The following SGMS1 variants were observed in gnomAD, a reference collection of about 807,000 sequenced individuals.
SGMS1 encodes sphingomyelin synthase 1.
In SGMS1, 13 loss-of-function variants were observed where a neutral mutation model predicts 46.2. That is an observed-to-expected ratio of 0.28 (90% CI 0.18 to 0.45). The LOEUF is 0.45. Among genes scored for constraint, SGMS1 ranks in the 20% least tolerant of loss-of-function variants. The pLI, the probability that SGMS1 is intolerant of heterozygous loss-of-function variation, is 1.00. For missense variants in SGMS1, 324 were observed against 519.9 expected, an observed-to-expected ratio of 0.62 and a Z score of 3.66; for synonymous variants, 203 against 187.8, an observed-to-expected ratio of 1.08 and a Z score of -0.66.
At chr10:50,576,396 C>T (rs1323108562) in intron 2 of SGMS1, among the ~76,000 whole-genome samples, 4 of 152,200 alleles carry the variant, frequency 2.6e-5, no homozygotes, top group Non-Finnish European at 5.9e-5. Flanking sequence ...CAGAGTCACC[C>T]TTGTCCCCAC....
At chr10:50,437,666 G>A (rs1398029950) in intron 5 of SGMS1, among the ~76,000 whole-genome samples, 3 of 152,166 alleles carry the variant, frequency 2.0e-5, no homozygotes, top group African/African-American at 7.2e-5. Flanking sequence ...AAGAGTAAAA[G>A]CACCAAAACT....
chr10:50,524,713 G>A (rs755511774), intron 2 of SGMS1, among the ~76,000 whole-genome samples: 6 of 152,248 alleles, frequency 3.9e-5, no homozygotes, highest in East Asian at 1.9e-4. Flanking sequence ...CCAATGTCAC[G>A]CAGCTGGGGA....
At chr10:50,378,361 T>G (rs933191593) in intron 6 of SGMS1, among the ~76,000 whole-genome samples, 1 of 152,200 alleles carries the variant, frequency 6.6e-6, no homozygotes, top group Admixed American at 6.6e-5. Context: ...AATTCACTCA[T>G]GTTTTGTTTA....
chr10:50,565,934 T>C (rs986958576), intron 2 of SGMS1, among the ~76,000 whole-genome samples: 5 of 152,184 alleles, frequency 3.3e-5, no homozygotes, highest in Non-Finnish European at 5.9e-5. Context: ...ATAACCACAC[T>C]TACAGTGTCT....
intron 7 of SGMS1, 55 bp from the exon 8 acceptor site, chr10:50,327,377 T>C: frequency 9.9e-7 from 1 of 1,007,496 alleles, no homozygotes; most frequent in South Asian, 1.4e-5. Context: ...TGTAGGTTCA[T>C]TTACTGTAAT....
At chr10:50,565,824 C>T (rs1024380483) in intron 2 of SGMS1, among the ~76,000 whole-genome samples, 8 of 152,212 alleles carry the variant, frequency 5.3e-5, no homozygotes, top group Admixed American at 2.0e-4. Flanking sequence ...CCTCCATCCC[C>T]GGCACCCAGT....
intron 1 of SGMS1, among the ~76,000 whole-genome samples, chr10:50,620,635 C>T (rs916674651): frequency 2.0e-5 from 3 of 152,110 alleles, no homozygotes; most frequent in African/African-American, 7.2e-5. Context: ...GAAGAAATAC[C>T]TAAACAATTG....
intron 6 of SGMS1, among the ~76,000 whole-genome samples, chr10:50,422,220 C>T (rs748360502): frequency 2.6e-5 from 4 of 152,052 alleles, no homozygotes; most frequent in Non-Finnish European, 5.9e-5. Flanking sequence ...GACGTGTTTC[C>T]GAGCATCTGT....
At chr10:50,411,110 G>A (rs974143042) in intron 6 of SGMS1, among the ~76,000 whole-genome samples, 2 of 152,130 alleles carry the variant, frequency 1.3e-5, no homozygotes, top group Non-Finnish European at 2.9e-5. Context: ...CACCATACTC[G>A]TGGTAGAAGC....
At chr10:50,442,183 GA>G (rs960204744) in intron 5 of SGMS1, among the ~76,000 whole-genome samples, 10 of 107,248 alleles carry the variant, frequency 9.3e-5, no homozygotes, top group African/African-American at 3.1e-4. Context: ...TTCTGCTGTA[GA>G]TTTTTTTTTT....
intron 1 of SGMS1, among the ~76,000 whole-genome samples, chr10:50,623,179 G>A (rs562764157): frequency 1.3e-5 from 2 of 152,210 alleles, no homozygotes; most frequent in East Asian, 3.9e-4. Context: ...TACGGTGGGG[G>A]GATCCCGAAA....
chr10:50,427,292 C>G (rs1340287425), intron 6 of SGMS1, among the ~76,000 whole-genome samples: 2 of 152,026 alleles, frequency 1.3e-5, no homozygotes, highest in Admixed American at 6.6e-5. Context: ...CCAGCTACTC[C>G]GGAGGCTGAG....
chr10:50,348,556 C>T (rs1238343893), intron 6 of SGMS1, among the ~76,000 whole-genome samples: 1 of 152,058 alleles, frequency 6.6e-6, no homozygotes, highest in African/African-American at 2.4e-5. Context: ...TGAGTGAACT[C>T]CCATTCACAA....
chr10:50,478,567 A>C (rs562978684), intron 3 of SGMS1, among the ~76,000 whole-genome samples: 3 of 152,172 alleles, frequency 2.0e-5, no homozygotes, highest in Non-Finnish European at 4.4e-5. Context: ...GGTTAATTGT[A>C]CCATCCATTT....
chr10:50,474,277 C>T (rs959707569), intron 3 of SGMS1: 2 of 152,182 alleles, frequency 1.3e-5, no homozygotes, highest in South Asian at 4.1e-4. Context: ...GAGGAAACAG[C>T]TTACATCACT....
At chr10:50,348,647 C>G (rs933477618) in intron 6 of SGMS1, among the ~76,000 whole-genome samples, 1 of 152,174 alleles carries the variant, frequency 6.6e-6, no homozygotes. Context: ...CTACAAACCA[C>G]TACTCAAGGA....
intron 2 of SGMS1, among the ~76,000 whole-genome samples, chr10:50,560,587 A>G (rs190806101): frequency 1.1e-3 from 166 of 146,528 alleles, no homozygotes; most frequent in African/African-American, 3.9e-3. Context: ...ATACAAATAT[A>G]CATAATATAT....
chr10:50,312,973 T>G (rs752398900), intron 8 of SGMS1, among the ~76,000 whole-genome samples: 2 of 151,360 alleles, frequency 1.3e-5, no homozygotes, highest in Admixed American at 6.6e-5. Flanking sequence ...TTGAGAGGAG[T>G]TTCATAACTT....
intron 6 of SGMS1, among the ~76,000 whole-genome samples, chr10:50,359,737 A>C (rs1848217574): frequency 6.6e-6 from 1 of 152,088 alleles, no homozygotes; most frequent in Non-Finnish European, 1.5e-5. Context: ...AAATTGATTA[A>C]ATATATTGTA....
Sources: allele counts gnomAD v4.1 joint callset (sites outside exome capture counted in the v4.1 genomes callset), GRCh38; gene constraint gnomAD v4.1.1; transcripts MANE v1.5; gene names NCBI Gene and HGNC (gene_info 2026-07-23, HGNC 2026-07-21).